Variants in DPYSL4 observed in about 807,000 individuals in gnomAD.
The protein encoded by DPYSL4 is dihydropyrimidinase like 4, also known as dihydropyrimidinase-related protein 4.
A neutral mutation model predicts 63.4 loss-of-function variants in DPYSL4; 43 were observed. The ratio of observed to expected loss-of-function variants is 0.68; its 90% CI spans 0.53 to 0.88. DPYSL4 has a LOEUF of 0.88. Among genes scored for constraint, DPYSL4 ranks in the 40% least tolerant of loss-of-function variants. The probability of loss-of-function intolerance (pLI) is 0.00; values close to 1 mark genes in which losing one functional copy is unlikely to be tolerated. For synonymous variants in DPYSL4, 353 were observed against 331.7 expected, an observed-to-expected ratio of 1.06 and a Z score of -0.70; for missense variants, 733 against 819.5, an observed-to-expected ratio of 0.89 and a Z score of 1.29.
At chr10:132,193,980 G>A (rs561016115) in intron 3 of DPYSL4, among the ~76,000 whole-genome samples, 9 of 152,266 alleles carry the variant, frequency 5.9e-5, no homozygotes, top group African/African-American at 1.9e-4. Flanking sequence ...GGCCCAAGCC[G>A]GTCAGGACGT....
At position 132,200,822 on chromosome 10, in the gene DPYSL4, T is replaced by C. The variant is rs894270823; in HGVS notation, c.969-20T>C. 5.0e-6 allele frequency: 8 copies of C among 1,609,694 alleles called. No individual in the cohort carries two copies. The highest frequency in any genetic ancestry group is 6.8e-6 in the Non-Finnish European group (8 of 1,178,506). On this transcript the variant is annotated intron_variant, in intron 9 of 13. Transcript: ENST00000338492. ...CCGGCTCAGGAAGGCCAGGACCCTC[T>C]GACCCTGGCTTGTTTCCAGCGGGGA...
At chr10:132,198,055 G>C (rs549460197) in intron 6 of DPYSL4, among the ~76,000 whole-genome samples, 1 of 152,320 alleles carries the variant, frequency 6.6e-6, no homozygotes, top group East Asian at 1.9e-4. Context: ...GTCCATTCCT[G>C]ACCTGCAGAG....
chr10:132,192,263 C>T (rs569589615), intron 2 of DPYSL4: 35 of 966,542 alleles, frequency 3.6e-5, no homozygotes, highest in Admixed American at 3.1e-4. Flanking sequence ...CCAGCTTCCA[C>T]GTTTCTTTGT....
intron 13 of DPYSL4, 116 bp downstream of exon 13, chr10:132,204,043 G>C: frequency 7.5e-7 from 1 of 1,339,482 alleles, no homozygotes; most frequent in African/African-American, 1.5e-5. Context: ...GCACCCAGCT[G>C]GGGACTGGGG....
rs531952402 is a variant in DPYSL4, at chr10:132,192,930, C to T, written c.313+88C>T. Reference sequence around the variant, plus strand: ...CAGGTGTGTGTGGGAGGAGGAGTGTCGCCTAAAGGTGCCTTTCTCAGCTGT... The same window carrying T: ...CAGGTGTGTGTGGGAGGAGGAGTGTTGCCTAAAGGTGCCTTTCTCAGCTGT... On this transcript the variant is annotated intron_variant, in intron 3 of 13. Coordinates refer to ENST00000338492, the MANE Select transcript of DPYSL4 (RefSeq NM_006426.3). 112 of 1,366,014 alleles carry T rather than the reference C, an allele frequency of 8.2e-5. No homozygotes were observed. In the Middle Eastern group the frequency reaches 1.0e-3, roughly 12 times the overall value. 84.6% of individuals were successfully genotyped at this position (1,366,014 alleles called of 1,614,324 possible).
intron 6 of DPYSL4, 41 bp from the exon 7 acceptor site, chr10:132,198,374 C>T (rs1256944466): frequency 6.3e-7 from 1 of 1,577,834 alleles, no homozygotes; most frequent in South Asian, 1.2e-5. Context: ...GCCCAGGCTC[C>T]CTTCAGGGCT....
Position 132,202,034 on chromosome 10 carries a change from G to T in DPYSL4, c.1199G>T (p.Arg400Leu). ...TTCAATTTTTACCCAAGGAAGGGGCGAGTGGCTGTGGGCTCTGACGCTGAC... is the reference window on the plus strand; with the variant it reads ...TTCAATTTTTACCCAAGGAAGGGGCTAGTGGCTGTGGGCTCTGACGCTGAC... ...KIFNFYPRKG[R>L]VAVGSDADLV... Residue 400 changes from arginine (R) to leucine (L), a missense_variant, in exon 11 of 14, where the codon CGA becomes CTA. Transcript: ENST00000338492. 1 of 1,613,342 alleles carries T rather than the reference G, an allele frequency of 6.2e-7. No homozygotes were observed. Among genetic ancestry groups the T allele is most frequent in the Non-Finnish European group, 8.5e-7 (1 of 1,179,990 alleles).
intron 4 of DPYSL4, among the ~76,000 whole-genome samples, chr10:132,196,554 G>T (rs577480890): frequency 6.6e-6 from 1 of 151,644 alleles, no homozygotes; most frequent in Non-Finnish European, 1.5e-5. Flanking sequence ...TTCCAGTAAC[G>T]GGGGGTCTGC....
rs2061797661 is a variant in DPYSL4 at position 132,186,961 on chromosome 10, C to T, written c.-103C>T. On this transcript the variant is annotated 5_prime_UTR_variant, in exon 1 of 14. Transcript: ENST00000338492. ...CCCCGCGCGCTCGCAGTCTGTCTCC[C>T]GCCGTCCCCACGCACGCGTCCCGGC... 1.8e-6 allele frequency: 1 copy of T among 544,506 alleles called. No individual in the cohort carries two copies. The highest frequency in any genetic ancestry group is 3.0e-6 in the Non-Finnish European group (1 of 337,612). The allele number at this position is 544,506 out of a possible 1,614,324, so 33.7% of individuals were successfully genotyped here.
intron 11 of DPYSL4, among the ~76,000 whole-genome samples, chr10:132,202,412 C>T (rs2062030556): frequency 6.6e-6 from 1 of 152,246 alleles, no homozygotes; most frequent in African/African-American, 2.4e-5. Flanking sequence ...TGCCTGCCCA[C>T]GCCTGTCCCC....
rs372179066 is a variant in DPYSL4, at chr10:132,194,948, G to A, written c.417G>A (p.Val139=). 3.7e-6 allele frequency: 6 copies of A among 1,611,632 alleles called. No homozygotes were observed. The African/African-American group carries it at 8.0e-5, about 22-fold the overall frequency. The change falls in exon 4 of 14, where the codon GTG becomes GTA. Residue 139 remains valine (V), a synonymous_variant. Coordinates refer to ENST00000338492, the MANE Select transcript of DPYSL4 (RefSeq NM_006426.3). ...SAACCDYSLH[V]DITRWHESIK... ...CCTGCTGCGACTACTCCCTGCACGT[G>A]GACATCACCCGATGGCATGAGAGCA...
intron 3 of DPYSL4, among the ~76,000 whole-genome samples, 194 bp downstream of exon 3, chr10:132,193,036 G>A (rs1055337560): frequency 6.6e-6 from 1 of 152,168 alleles, no homozygotes; most frequent in African/African-American, 2.4e-5. Context: ...TGTGTGGCCA[G>A]TGCTGGAATG....
At chr10:132,187,636 C>T (rs904057855) in intron 1 of DPYSL4, among the ~76,000 whole-genome samples, 18 of 152,342 alleles carry the variant, frequency 1.2e-4, no homozygotes, top group African/African-American at 3.8e-4. Context: ...CGAGACAAAG[C>T]GATTTAGCCC....
intron 7 of DPYSL4, 79 bp downstream of exon 7, chr10:132,198,562 C>T (rs1175908685): frequency 7.1e-7 from 1 of 1,415,612 alleles, no homozygotes; most frequent in Non-Finnish European, 9.6e-7. Context: ...CTGACCCTGG[C>T]CCTGGGCTCC....
At chr10:132,192,032 C>T (rs1355541821) in intron 2 of DPYSL4, among the ~76,000 whole-genome samples, 3 of 111,438 alleles carry the variant, frequency 2.7e-5, no homozygotes, top group Non-Finnish European at 6.0e-5. Flanking sequence ...CGTGTGTACA[C>T]GCTGGTCACG....
At chr10:132,187,294 G>A (rs1460242632) in intron 1 of DPYSL4, among the ~76,000 whole-genome samples, 192 bp downstream of exon 1, 4 of 151,118 alleles carry the variant, frequency 2.6e-5, no homozygotes, top group African/African-American at 9.8e-5. Context: ...CGCTAGCGCC[G>A]CGCAGACCCC....
intron 3 of DPYSL4, among the ~76,000 whole-genome samples, chr10:132,194,095 T>C (rs1166620895): frequency 1.3e-5 from 2 of 152,228 alleles, no homozygotes; most frequent in Non-Finnish European, 2.9e-5. Flanking sequence ...CTGGCCTCTA[T>C]CCTGCCTCTG....
At chr10:132,203,674 T>C (rs1438688748) in intron 12 of DPYSL4, 88 bp from the exon 13 acceptor site, 1 of 1,310,922 alleles carries the variant, frequency 7.6e-7, no homozygotes, top group Non-Finnish European at 1.1e-6. Context: ...CAGCTGCCCA[T>C]GCTCAGCCCC....
intron 13 of DPYSL4, among the ~76,000 whole-genome samples, chr10:132,204,262 T>C (rs1424527281): frequency 6.6e-6 from 1 of 152,082 alleles, no homozygotes; most frequent in African/African-American, 2.4e-5. Flanking sequence ...CTCAGGATCA[T>C]GTGGAATCCA....
Sources: allele counts gnomAD v4.1 joint callset (sites outside exome capture counted in the v4.1 genomes callset), GRCh38; gene constraint gnomAD v4.1.1; transcripts MANE v1.5; gene names NCBI Gene and HGNC (gene_info 2026-07-23, HGNC 2026-07-21).